EVC: variants seen among roughly 807,000 people sequenced by gnomAD.
The protein encoded by EVC is EvC ciliary complex subunit 1, also known as evC complex member EVC.
In EVC, 116 loss-of-function variants were observed where a neutral mutation model predicts 118.9. The ratio of observed to expected loss-of-function variants is 0.98; its 90% CI spans 0.84 to 1.14. The LOEUF is 1.14. EVC is among the 50% of genes most tolerant of loss of function. EVC has a pLI of 0.00. For missense variants in EVC, 1,401 were observed against 1,246.4 expected (o/e 1.12, Z -1.87); for synonymous variants, 619 against 534.7 (o/e 1.16, Z -2.18).
chr4:5,768,886 T>G (rs1370367490), intron 11 of EVC, among the ~76,000 whole-genome samples: 1 of 151,956 alleles, frequency 6.6e-6, no homozygotes, highest in Non-Finnish European at 1.5e-5. Context: ...TCATTCATCA[T>G]CATTCACCAT....
intron 11 of EVC, chr4:5,758,053 T>A (rs1412805131): frequency 1.4e-6 from 1 of 702,326 alleles, no homozygotes; most frequent in Admixed American, 2.0e-5. Context: ...GGGTGGGCCC[T>A]AATTCTAATG....
chr4:5,810,006 C>G (rs528144883), intron 19 of EVC, among the ~76,000 whole-genome samples: 20 of 152,314 alleles, frequency 1.3e-4, no homozygotes, highest in Non-Finnish European at 2.6e-4. Context: ...GAAACAAAAG[C>G]TGTCACACTG....
At chr4:5,785,981 G>C (rs371653283) in intron 12 of EVC, among the ~76,000 whole-genome samples, 1 of 152,164 alleles carries the variant, frequency 6.6e-6, no homozygotes, top group African/African-American at 2.4e-5. Flanking sequence ...CTAAATGAGT[G>C]TAGGGGCCTT....
At chr4:5,740,433 T>C (rs1247077083) in intron 5 of EVC, among the ~76,000 whole-genome samples, 2 of 143,708 alleles carry the variant, frequency 1.4e-5, no homozygotes, top group African/African-American at 5.3e-5. Flanking sequence ...ATTGCACCAC[T>C]GCACTCTAGC....
chr4:5,762,098 G>C (rs1472859031), intron 11 of EVC, among the ~76,000 whole-genome samples: 1 of 131,336 alleles, frequency 7.6e-6, no homozygotes, highest in Admixed American at 9.3e-5. Context: ...TCCCCTTCCT[G>C]TGTCCATGAG....
the EVC span, among the ~76,000 whole-genome samples, chr4:5,827,181 C>G: frequency 2.6e-5 from 4 of 152,206 alleles, no homozygotes; most frequent in Admixed American, 2.6e-4. Context: ...TCTGCCCTCA[C>G]GGAAGCTGAC....
At chr4:5,768,765 G>A (rs1371599207) in intron 11 of EVC, among the ~76,000 whole-genome samples, 3 of 151,316 alleles carry the variant, frequency 2.0e-5, no homozygotes, top group African/African-American at 7.3e-5. Flanking sequence ...GCTGAGGCAT[G>A]AGAATCGCTT....
the EVC span, chr4:5,824,926 A>C: frequency 3.0e-6 from 3 of 985,402 alleles, no homozygotes; most frequent in Non-Finnish European, 3.6e-6. Flanking sequence ...TCAACATCTA[A>C]TTTTGTTCCC....
chr4:5,824,381 G>C, the EVC span: 1 of 985,392 alleles, frequency 1.0e-6, no homozygotes, highest in Non-Finnish European at 1.2e-6. Flanking sequence ...GATGAATGGG[G>C]AGGCCTCCTT....
intron 5 of EVC, among the ~76,000 whole-genome samples, chr4:5,733,963 A>T (rs1486566855): frequency 6.6e-6 from 1 of 152,128 alleles, no homozygotes; most frequent in East Asian, 1.9e-4. Context: ...CTGAGATGAG[A>T]AGTTCAGTAC....
intron 2 of EVC, among the ~76,000 whole-genome samples, chr4:5,724,286 G>C (rs950238154): frequency 2.0e-5 from 3 of 152,250 alleles, no homozygotes; most frequent in Non-Finnish European, 2.9e-5. Context: ...ATGGATTCGA[G>C]AGAGATGTAG....
chr4:5,821,992 C>T, the EVC span: 3 of 562,850 alleles, frequency 5.3e-6, no homozygotes, highest in Admixed American at 9.6e-5. The surrounding 1 kb of genome is among the most constrained non-coding windows in gnomAD (Gnocchi z 4.4). Context: ...CATGGGAAGC[C>T]TCCCTGGCCT....
chr4:5,796,017 G>A (rs897783017), intron 13 of EVC, among the ~76,000 whole-genome samples: 7 of 151,354 alleles, frequency 4.6e-5, no homozygotes, highest in African/African-American at 1.2e-4. Flanking sequence ...TTTCTTCTCC[G>A]TGGTTCAGCA....
At chr4:5,723,487 T>A (rs1441282086) in intron 2 of EVC, among the ~76,000 whole-genome samples, 2 of 152,004 alleles carry the variant, frequency 1.3e-5, no homozygotes, top group Non-Finnish European at 2.9e-5. Context: ...CCGCGCCTGG[T>A]CCTTTCCTTT....
chr4:5,745,164 T>C (rs375562419), intron 6 of EVC, 40 bp from the exon 7 acceptor site: 1 of 1,599,162 alleles, frequency 6.3e-7, no homozygotes, highest in Non-Finnish European at 8.5e-7. Flanking sequence ...CTAAACTTTT[T>C]CTTTGTTTAT....
intron 8 of EVC, among the ~76,000 whole-genome samples, chr4:5,748,666 CTCCATCCATCCA>C: frequency 1.3e-5 from 1 of 78,258 alleles, no homozygotes; most frequent in Non-Finnish European, 2.5e-5. Context: ...CCATCCATCC[CTCCATCCATCCA>C]TCCACCCACC....
chr4:5,756,115 GC>G lies in EVC; in HGVS notation c.1465-145del. 1 of 675,010 alleles carries G rather than the reference GC, an allele frequency of 1.5e-6. No homozygotes were observed. Among genetic ancestry groups the G allele is most frequent in the Non-Finnish European group, 2.6e-6 (1 of 380,046 alleles). 41.8% of individuals were successfully genotyped at this position (675,010 alleles called of 1,614,324 possible). A position where few individuals can be genotyped will look rare whatever the true frequency, so the allele number is the denominator to read the frequency against. On this transcript the variant is annotated intron_variant, in intron 10 of 20. Coordinates refer to ENST00000264956, the MANE Select transcript of EVC (RefSeq NM_153717.3). The surrounding 1 kb of genome is among the most constrained non-coding windows in gnomAD (Gnocchi z 4.2). Reference sequence around the variant, plus strand: ...CATCAGCTGTGAAAGCCATGTGACAGCCCCATGCCTCAGTTTCCTTGTGTGT... The same window carrying G: ...CATCAGCTGTGAAAGCCATGTGACAGCCCATGCCTCAGTTTCCTTGTGTGT...
chr4:5,726,098 G>A (rs1239140363), intron 2 of EVC, among the ~76,000 whole-genome samples: 27 of 152,192 alleles, frequency 1.8e-4, no homozygotes, highest in Non-Finnish European at 2.6e-4. Flanking sequence ...CTCAAATTAG[G>A]AGCAAGTGAT....
At chr4:5,723,788 G>T (rs1725370208) in intron 2 of EVC, among the ~76,000 whole-genome samples, 1 of 152,118 alleles carries the variant, frequency 6.6e-6, no homozygotes, top group Admixed American at 6.5e-5. Flanking sequence ...TCACTATCTT[G>T]AAATTCTTGA....
Sources: gnomAD v4.1 joint callset for allele counts (sites outside exome capture counted in the v4.1 genomes callset) on GRCh38, gnomAD v4.1.1 for gene constraint, Gnocchi (gnomAD v3.1) non-coding constraint, MANE v1.5 for transcripts, NCBI Gene and HGNC (gene_info 2026-07-23, HGNC 2026-07-21) for gene names.